The following UTRN variants were observed in gnomAD, a reference collection of about 807,000 sequenced individuals.
UTRN encodes dystrophin-related protein 1.
In UTRN, 283 loss-of-function variants were observed where a neutral mutation model predicts 463.9. The observed-to-expected ratio is 0.61, with a 90% CI of 0.55 to 0.67. UTRN has a LOEUF of 0.67. Among genes scored for constraint, UTRN ranks in the 30% least tolerant of loss-of-function variants. The pLI, the probability that UTRN is intolerant of heterozygous loss-of-function variation, is 0.00. For missense variants in UTRN, 3,922 were observed against 4,084.3 expected (o/e 0.96, Z 1.08); for synonymous variants, 1,442 against 1,431.5 (o/e 1.01, Z -0.17).
At chr6:144,664,329 A>G (rs937009885) in intron 51 of UTRN, among the ~76,000 whole-genome samples, 1 of 152,194 alleles carries the variant, frequency 6.6e-6, no homozygotes, top group Non-Finnish European at 1.5e-5. Context: ...AGTTTTAAAC[A>G]TTTGAAATGC....
intron 50 of UTRN, among the ~76,000 whole-genome samples, chr6:144,570,372 G>T (rs1252394389): frequency 6.6e-6 from 1 of 152,154 alleles, no homozygotes; most frequent in Non-Finnish European, 1.5e-5. Flanking sequence ...AGTGTGAAGT[G>T]GGGAGATGCC....
Position 144,321,461 on chromosome 6 carries a change from C to CTTTT in UTRN, c.79+29577_79+29580dup, listed in dbSNP as rs529134208. ...TTAAACCCAAGTAGCTGTGCCATAT[C>CTTTT]TTTTTTTTTTTTTTTTTTTTTTTTT... On this transcript the variant is annotated intron_variant, in intron 2 of 74. Transcript: ENST00000367545. Among the ~76,000 whole-genome samples the CTTTT allele has an allele frequency of 2.4e-4, 24 of 100,442 alleles. 1 individual carries two copies. The highest frequency in any genetic ancestry group is 2.7e-4 in the Non-Finnish European group (13 of 48,968). 65.9% of individuals were successfully genotyped at this position (100,442 alleles called of 152,430 possible). A position where few individuals can be genotyped will look rare whatever the true frequency, so the allele number is the denominator to read the frequency against.
chr6:144,813,149 G>T (rs552300133), intron 65 of UTRN, among the ~76,000 whole-genome samples: 4 of 151,450 alleles, frequency 2.6e-5, no homozygotes, highest in South Asian at 2.1e-4. Context: ...GAGTTTTTTT[G>T]TTGTTGTTGT....
At chr6:144,751,629 T>A (rs1791413653) in intron 55 of UTRN, among the ~76,000 whole-genome samples, 177 bp from the exon 56 acceptor site, 1 of 152,180 alleles carries the variant, frequency 6.6e-6, no homozygotes, top group Non-Finnish European at 1.5e-5. Flanking sequence ...AAATACTGTA[T>A]TTTCCATATG....
intron 53 of UTRN, among the ~76,000 whole-genome samples, chr6:144,701,674 A>G (rs1419219038): frequency 6.6e-6 from 1 of 152,310 alleles, no homozygotes; most frequent in African/African-American, 2.4e-5. Flanking sequence ...GGTCATTTTA[A>G]GGTGACACTA....
At chr6:144,667,769 C>T (rs940537107) in intron 51 of UTRN, among the ~76,000 whole-genome samples, 4 of 152,100 alleles carry the variant, frequency 2.6e-5, no homozygotes, top group African/African-American at 9.7e-5. Flanking sequence ...CTATTTGGCA[C>T]ATCTCAAACT....
intron 23 of UTRN, among the ~76,000 whole-genome samples, chr6:144,472,721 T>G (rs1373872510): frequency 6.6e-6 from 1 of 151,592 alleles, no homozygotes; most frequent in African/African-American, 2.4e-5. Context: ...GAAATGACAA[T>G]GATTTTGGTA....
chr6:144,319,543 TTGTA>T (rs1311127191), intron 2 of UTRN, among the ~76,000 whole-genome samples: 1 of 152,172 alleles, frequency 6.6e-6, no homozygotes, highest in Non-Finnish European at 1.5e-5. Context: ...AGTTGAAACA[TTGTA>T]TGTTTCTATC....
chr6:144,652,869 G>C (rs1260152877), intron 51 of UTRN, among the ~76,000 whole-genome samples: 1 of 152,156 alleles, frequency 6.6e-6, no homozygotes, highest in Non-Finnish European at 1.5e-5. Context: ...AGACCATCTG[G>C]CACCTCAAAA....
intron 54 of UTRN, among the ~76,000 whole-genome samples, chr6:144,732,299 CATAT>C (rs367595941): frequency 1.5e-4 from 19 of 128,726 alleles, no homozygotes; most frequent in African/African-American, 4.4e-4. Context: ...TATATATACA[CATAT>C]ATATATATAA....
chr6:144,725,793 A>C (rs1310100305), intron 53 of UTRN, among the ~76,000 whole-genome samples: 1 of 152,258 alleles, frequency 6.6e-6, no homozygotes, highest in Non-Finnish European at 1.5e-5. Flanking sequence ...AAATAGGACA[A>C]ATTGAATAAC....
chr6:144,374,488 A>G (rs184761234), intron 2 of UTRN, among the ~76,000 whole-genome samples: 1 of 149,540 alleles, frequency 6.7e-6, no homozygotes, highest in Non-Finnish European at 1.5e-5. Flanking sequence ...CTAAAAACAC[A>G]ATTTTTTTTT....
At chr6:144,658,452 T>TA (rs1409173676) in intron 51 of UTRN, among the ~76,000 whole-genome samples, 1 of 152,236 alleles carries the variant, frequency 6.6e-6, no homozygotes, top group Non-Finnish European at 1.5e-5. Context: ...TGGAATCTCT[T>TA]ACGACCCATG....
chr6:144,409,856 A>T (rs189802762), intron 3 of UTRN, among the ~76,000 whole-genome samples: 6 of 152,364 alleles, frequency 3.9e-5, no homozygotes, highest in Non-Finnish European at 5.9e-5. Flanking sequence ...AATACAGAGA[A>T]AACACAATTT....
intron 34 of UTRN, among the ~76,000 whole-genome samples, chr6:144,501,431 C>T (rs947200750): frequency 2.6e-5 from 4 of 152,092 alleles, no homozygotes; most frequent in African/African-American, 9.7e-5. Flanking sequence ...CACCTATAAT[C>T]AAACAATGCT....
At chr6:144,648,934 T>G (rs189614311) in intron 51 of UTRN, among the ~76,000 whole-genome samples, 1 of 152,294 alleles carries the variant, frequency 6.6e-6, no homozygotes, top group East Asian at 1.9e-4. Flanking sequence ...ATTTAACTTT[T>G]TTCTTCATTA....
chr6:144,838,097 A>T (rs1267218318), intron 71 of UTRN, among the ~76,000 whole-genome samples: 1 of 152,232 alleles, frequency 6.6e-6, no homozygotes, highest in Admixed American at 6.5e-5. Context: ...AACTTAGTGC[A>T]TAGGTGGAAT....
chr6:144,727,857 AG>A (rs1212934069), intron 53 of UTRN, among the ~76,000 whole-genome samples: 2 of 152,164 alleles, frequency 1.3e-5, no homozygotes, highest in Admixed American at 6.5e-5. Context: ...TGGGAGGCCA[AG>A]GCAGGTGGAT....
intron 53 of UTRN, among the ~76,000 whole-genome samples, chr6:144,719,837 A>G (rs937141875): frequency 6.6e-6 from 1 of 152,218 alleles, no homozygotes; most frequent in Non-Finnish European, 1.5e-5. Context: ...CTATCATTTT[A>G]ATTTTGTAAT....
Sources: gnomAD v4.1 joint callset for allele counts (sites outside exome capture counted in the v4.1 genomes callset) on GRCh38, gnomAD v4.1.1 for gene constraint, MANE v1.5 for transcripts, NCBI Gene and HGNC (gene_info 2026-07-23, HGNC 2026-07-21) for gene names.